Variants in CNTNAP2 observed in about 807,000 individuals in gnomAD.
CNTNAP2 encodes the protein contactin-associated protein-like 2.
In CNTNAP2, 98 loss-of-function variants were observed where a neutral mutation model predicts 155.2. The ratio of observed to expected loss-of-function variants is 0.63; its 90% CI spans 0.54 to 0.75. The LOEUF (loss-of-function observed/expected upper bound fraction) is 0.75, where lower values mean the gene tolerates loss of function less well. Among genes scored for constraint, CNTNAP2 ranks in the 30% least tolerant of loss-of-function variants. The probability of loss-of-function intolerance (pLI) is 0.00; values close to 1 mark genes in which losing one functional copy is unlikely to be tolerated. For missense variants in CNTNAP2, 1,727 were observed against 1,688.1 expected (o/e 1.02, Z -0.40); for synonymous variants, 651 against 631.2 (o/e 1.03, Z -0.47).
At chr7:147,724,984 A>G (rs4142924) in intron 13 of CNTNAP2, among the ~76,000 whole-genome samples, 47,837 of 151,814 alleles carry the variant, frequency 0.32, 7,811 homozygotes, top group Middle Eastern at 0.47. Flanking sequence ...TGATGAAGTC[A>G]AAGGGACGGC....
chr7:147,347,672 G>GA (rs1795901248), intron 9 of CNTNAP2, among the ~76,000 whole-genome samples: 2 of 151,536 alleles, frequency 1.3e-5, no homozygotes, highest in South Asian at 4.2e-4. Flanking sequence ...CACAGAAACT[G>GA]AAAAAAATTC....
intron 21 of CNTNAP2, among the ~76,000 whole-genome samples, chr7:148,271,582 T>C (rs1022028491): frequency 1.3e-5 from 2 of 152,180 alleles, no homozygotes; most frequent in African/African-American, 4.8e-5. Flanking sequence ...CCTTCCAGAA[T>C]GGTGAGGAAG....
At chr7:146,691,365 A>G (rs1800694505) in intron 1 of CNTNAP2, among the ~76,000 whole-genome samples, 1 of 152,164 alleles carries the variant, frequency 6.6e-6, no homozygotes, top group Non-Finnish European at 1.5e-5. Context: ...TTTAATACCT[A>G]GCATGCATCA....
At chr7:147,675,054 C>G (rs1795846629) in intron 13 of CNTNAP2, among the ~76,000 whole-genome samples, 1 of 152,048 alleles carries the variant, frequency 6.6e-6, no homozygotes, top group African/African-American at 2.4e-5. Context: ...GTTCTAGAAG[C>G]CAGAAGTTTG....
At chr7:147,313,202 C>T (rs35371090) in intron 9 of CNTNAP2, among the ~76,000 whole-genome samples, 74,040 of 151,366 alleles carry the variant, frequency 0.49, 19,288 homozygotes, top group East Asian at 0.73. Context: ...TTTTCTCCCA[C>T]TTTGTAGGTT....
At chr7:147,374,258 A>C (rs1796397953) in intron 9 of CNTNAP2, among the ~76,000 whole-genome samples, 2 of 152,112 alleles carry the variant, frequency 1.3e-5, no homozygotes, top group South Asian at 4.1e-4. Flanking sequence ...CCTTCTTATA[A>C]AGAAATTTGG....
At chr7:146,837,996 T>C (rs1018302597) in intron 2 of CNTNAP2, among the ~76,000 whole-genome samples, 1 of 152,220 alleles carries the variant, frequency 6.6e-6, no homozygotes. Flanking sequence ...GTGTTTCTTC[T>C]GAGTCCAGAT....
At chr7:148,359,021 G>C (rs1306552949) in intron 21 of CNTNAP2, among the ~76,000 whole-genome samples, 2 of 152,172 alleles carry the variant, frequency 1.3e-5, no homozygotes, top group African/African-American at 4.8e-5. Context: ...TGTGTACAGT[G>C]GTGGTCCTAT....
intron 10 of CNTNAP2, among the ~76,000 whole-genome samples, chr7:147,477,132 T>C (rs1048997049): frequency 1.3e-5 from 2 of 152,168 alleles, no homozygotes; most frequent in Non-Finnish European, 2.9e-5. Context: ...AGAGATGAGA[T>C]GGAAATAAGG....
intron 13 of CNTNAP2, among the ~76,000 whole-genome samples, chr7:147,800,475 A>T (rs910001698): frequency 7.2e-6 from 1 of 139,410 alleles, no homozygotes; most frequent in African/African-American, 2.9e-5. Context: ...AGCTCACTTT[A>T]AAAAAAAAAA....
intron 6 of CNTNAP2, among the ~76,000 whole-genome samples, chr7:147,123,309 A>C (rs1387961144): frequency 6.6e-6 from 1 of 152,248 alleles, no homozygotes; most frequent in Non-Finnish European, 1.5e-5. Flanking sequence ...GAAGAGGTGA[A>C]AATTCTGGAA....
At chr7:146,934,656 A>G (rs1431975071) in intron 3 of CNTNAP2, among the ~76,000 whole-genome samples, 1 of 152,206 alleles carries the variant, frequency 6.6e-6, no homozygotes, top group Non-Finnish European at 1.5e-5. Context: ...ATTCGCATTT[A>G]TAATTTTGAA....
chr7:147,035,177 C>A (rs560068861), intron 3 of CNTNAP2, among the ~76,000 whole-genome samples: 55 of 152,304 alleles, frequency 3.6e-4, no homozygotes, highest in African/African-American at 1.2e-3. Context: ...AAGGTCCCTC[C>A]TGTCAGGAAG....
chr7:146,376,679 A>G (rs556619767), intron 1 of CNTNAP2, among the ~76,000 whole-genome samples: 8 of 152,274 alleles, frequency 5.3e-5, no homozygotes, highest in African/African-American at 1.7e-4. Flanking sequence ...ACACATTGTT[A>G]CGGTATAAAT....
chr7:148,365,706 T>TTA (rs1445450191), intron 21 of CNTNAP2, among the ~76,000 whole-genome samples: 1 of 54,748 alleles, frequency 1.8e-5, no homozygotes, highest in East Asian at 3.1e-4. Context: ...ATGTATACTT[T>TTA]TATATATATG....
At chr7:147,191,405 T>C (rs1449675954) in intron 8 of CNTNAP2, among the ~76,000 whole-genome samples, 1 of 152,204 alleles carries the variant, frequency 6.6e-6, no homozygotes, top group Non-Finnish European at 1.5e-5. Context: ...TAAATAACCC[T>C]GTGTAAAAAC....
chr7:147,881,983 T>C (rs2538992), intron 13 of CNTNAP2, among the ~76,000 whole-genome samples: 86,370 of 151,598 alleles, frequency 0.57, 25,192 homozygotes, highest in African/African-American at 0.69. Flanking sequence ...CCCTCATCCC[T>C]ACCAAGAAAA....
chr7:148,247,651 A>ATTTT (rs1299873575), intron 20 of CNTNAP2, among the ~76,000 whole-genome samples: 14 of 121,612 alleles, frequency 1.2e-4, no homozygotes, highest in African/African-American at 2.5e-4. Flanking sequence ...TTATTTATTT[A>ATTTT]TTTATTTATT....
intron 1 of CNTNAP2, among the ~76,000 whole-genome samples, chr7:146,682,717 G>A (rs929788585): frequency 1.3e-5 from 2 of 152,268 alleles, no homozygotes; most frequent in Middle Eastern, 6.8e-3. Context: ...GAAGAAAAAA[G>A]ATTTTTGGTC....
Sources: gnomAD v4.1 joint callset for allele counts (sites outside exome capture counted in the v4.1 genomes callset) on GRCh38, gnomAD v4.1.1 for gene constraint, MANE v1.5 for transcripts, NCBI Gene and HGNC (gene_info 2026-07-23, HGNC 2026-07-21) for gene names.